CSNK1G3: variants seen among roughly 807,000 people sequenced by gnomAD.
CSNK1G3 encodes casein kinase 1 gamma 3, also known as casein kinase I isoform gamma-3.
A neutral mutation model predicts 64.3 loss-of-function variants in CSNK1G3; 23 were observed. That is an observed-to-expected ratio of 0.36 (90% CI 0.26 to 0.51). CSNK1G3 has a LOEUF of 0.51. Among genes scored for constraint, CSNK1G3 ranks in the 20% least tolerant of loss-of-function variants. CSNK1G3 has a pLI of 0.96. For missense variants in CSNK1G3, 357 were observed against 510.5 expected (o/e 0.70, Z 2.90); for synonymous variants, 158 against 162.2 (o/e 0.97, Z 0.20).
At chr5:123,586,411 G>A (rs898411242) in intron 6 of CSNK1G3, among the ~76,000 whole-genome samples, 5 of 152,154 alleles carry the variant, frequency 3.3e-5, no homozygotes, top group East Asian at 3.9e-4. Context: ...TAAAATTTTC[G>A]TTATAAAAGT....
chr5:123,597,544 G>T (rs866359340), intron 10 of CSNK1G3, among the ~76,000 whole-genome samples: 9 of 152,016 alleles, frequency 5.9e-5, no homozygotes, highest in African/African-American at 1.9e-4. Flanking sequence ...ATCATTCCAG[G>T]CTGTTTAGAG....
intron 4 of CSNK1G3, among the ~76,000 whole-genome samples, chr5:123,564,516 A>G (rs1177390215): frequency 6.6e-6 from 1 of 152,098 alleles, no homozygotes. Flanking sequence ...AAGATTTGTA[A>G]GCTTGTAGCT....
chr5:123,571,451 C>A (rs1470844586), intron 4 of CSNK1G3, among the ~76,000 whole-genome samples: 1 of 151,982 alleles, frequency 6.6e-6, no homozygotes, highest in Admixed American at 6.6e-5. Flanking sequence ...TACATTCCCA[C>A]CTGCAGATGT....
chr5:123,545,998 T>A, intron 2 of CSNK1G3, 157 bp downstream of exon 2: 1 of 680,614 alleles, frequency 1.5e-6, no homozygotes, highest in Non-Finnish European at 2.4e-6. Context: ...TGTAGTTGTA[T>A]TTTCATGTGT....
intron 2 of CSNK1G3, among the ~76,000 whole-genome samples, chr5:123,549,880 TA>T (rs1336632778): frequency 6.6e-6 from 1 of 152,242 alleles, no homozygotes; most frequent in Non-Finnish European, 1.5e-5. Flanking sequence ...TAAGATATTG[TA>T]ACTTTTGACA....
intron 12 of CSNK1G3, among the ~76,000 whole-genome samples, chr5:123,609,588 T>G (rs1001662386): frequency 9.9e-5 from 15 of 152,150 alleles, no homozygotes; most frequent in Admixed American, 2.6e-4. Context: ...GTATAAAAAT[T>G]ATAATACAAA....
intron 1 of CSNK1G3, among the ~76,000 whole-genome samples, chr5:123,521,423 A>G (rs532846600): frequency 6.6e-6 from 1 of 152,310 alleles, no homozygotes; most frequent in African/African-American, 2.4e-5. Flanking sequence ...GTATCAAAAT[A>G]TAATCAGCTC....
At chr5:123,556,544 CT>C (rs1336918723) in intron 3 of CSNK1G3, among the ~76,000 whole-genome samples, 2 of 151,912 alleles carry the variant, frequency 1.3e-5, no homozygotes, top group African/African-American at 4.8e-5. Flanking sequence ...ATTCTCTCTT[CT>C]GTTAATCTGC....
chr5:123,577,411 A>G (rs780521118), intron 6 of CSNK1G3, among the ~76,000 whole-genome samples: 4 of 152,122 alleles, frequency 2.6e-5, no homozygotes, highest in Non-Finnish European at 2.9e-5. Flanking sequence ...ATACGTATGT[A>G]TACACACACA....
intron 10 of CSNK1G3, among the ~76,000 whole-genome samples, chr5:123,602,334 G>A (rs188643632): frequency 1.2e-4 from 18 of 152,264 alleles, no homozygotes; most frequent in African/African-American, 2.9e-4. Flanking sequence ...CTTGGAGTTG[G>A]AGAGGGTCCT....
At chr5:123,589,078 A>C (rs961820355) in intron 8 of CSNK1G3, among the ~76,000 whole-genome samples, 3 of 152,162 alleles carry the variant, frequency 2.0e-5, no homozygotes, top group African/African-American at 7.2e-5. Flanking sequence ...TTAAGGAATA[A>C]GAATAACTTG....
intron 7 of CSNK1G3, 46 bp downstream of exon 7, chr5:123,588,199 A>G: frequency 3.0e-6 from 4 of 1,355,272 alleles, no homozygotes; most frequent in Non-Finnish European, 4.2e-6. Flanking sequence ...AAATATTAAG[A>G]TATTAAGGTC....
At chr5:123,577,952 A>G (rs1000852153) in intron 6 of CSNK1G3, among the ~76,000 whole-genome samples, 3 of 151,882 alleles carry the variant, frequency 2.0e-5, no homozygotes, top group Admixed American at 2.0e-4. Context: ...TGATTCTATT[A>G]CTTAATATAA....
exon 2 of CSNK1G3, chr5:123,545,569 T>C: frequency 2.1e-6 from 2 of 946,898 alleles, no homozygotes; most frequent in Admixed American, 2.5e-5. Context: ...ACCCATCTGG[T>C]ACAGTTACCT....
intron 1 of CSNK1G3, among the ~76,000 whole-genome samples, chr5:123,528,966 C>T (rs1355938861): frequency 6.6e-6 from 1 of 152,198 alleles, no homozygotes; most frequent in African/African-American, 2.4e-5. Context: ...AAGTGATTCT[C>T]TGCTTTCTGA....
intron 1 of CSNK1G3, among the ~76,000 whole-genome samples, chr5:123,525,857 G>A (rs960102546): frequency 6.6e-6 from 1 of 151,724 alleles, no homozygotes; most frequent in African/African-American, 2.4e-5. Flanking sequence ...AATTAGTCGG[G>A]CGTGGTGGCG....
intron 4 of CSNK1G3, among the ~76,000 whole-genome samples, chr5:123,568,237 C>T (rs187652133): frequency 5.3e-5 from 8 of 152,242 alleles, no homozygotes; most frequent in South Asian, 2.1e-4. Flanking sequence ...GTAATGGTTT[C>T]GCTGGGATTC....
intron 1 of CSNK1G3, among the ~76,000 whole-genome samples, chr5:123,527,738 G>C (rs551789672): frequency 1.3e-5 from 2 of 152,242 alleles, no homozygotes; most frequent in Non-Finnish European, 2.9e-5. Context: ...GACTTTTCTG[G>C]ATGTACTTTC....
chr5:123,519,877 A>G (rs983949032), intron 1 of CSNK1G3, among the ~76,000 whole-genome samples: 13 of 152,218 alleles, frequency 8.5e-5, no homozygotes, highest in Non-Finnish European at 1.3e-4. Flanking sequence ...AAGAATTAGG[A>G]GGCCATAATA....
Sources: gnomAD v4.1 joint callset for allele counts (sites outside exome capture counted in the v4.1 genomes callset) on GRCh38, gnomAD v4.1.1 for gene constraint, MANE v1.5 for transcripts, NCBI Gene and HGNC (gene_info 2026-07-23, HGNC 2026-07-21) for gene names.